The following CFAP299 variants were observed in gnomAD, a reference collection of about 807,000 sequenced individuals.
CFAP299 encodes the protein cilia and flagella associated protein 299, also known as cilia- and flagella-associated protein 299.
A neutral mutation model predicts 27.0 loss-of-function variants in CFAP299; 21 were observed. The observed-to-expected ratio is 0.78, with a 90% CI of 0.55 to 1.12. The LOEUF is 1.12. Among genes scored for constraint, CFAP299 ranks in the 50% most tolerant of loss-of-function variants. CFAP299 has a pLI of 0.00. For missense variants in CFAP299, 310 were observed against 276.6 expected (o/e 1.12, Z -0.86); for synonymous variants, 104 against 98.1 (o/e 1.06, Z -0.36).
chr4:80,386,952 C>A, intron 2 of CFAP299: 1 of 905,166 alleles, frequency 1.1e-6, no homozygotes, highest in Non-Finnish European at 1.9e-6. Flanking sequence ...ATGCACCCGC[C>A]GGGAGGACTT....
chr4:80,696,293 CAAAAA>C (rs10602062), intron 3 of CFAP299, among the ~76,000 whole-genome samples: 1 of 128,610 alleles, frequency 7.8e-6, no homozygotes, highest in African/African-American at 2.9e-5. Flanking sequence ...AGCTCCGTCT[CAAAAA>C]AAAAAAAAAA....
chr4:80,783,260 T>C (rs577405244), intron 3 of CFAP299, among the ~76,000 whole-genome samples: 1 of 152,262 alleles, frequency 6.6e-6, no homozygotes, highest in South Asian at 2.1e-4. Flanking sequence ...AGAAACACTA[T>C]GTCACTTACA....
chr4:80,658,370 G>A (rs1194423102), intron 3 of CFAP299, among the ~76,000 whole-genome samples: 1 of 152,112 alleles, frequency 6.6e-6, no homozygotes. Context: ...CTGTGGGTTT[G>A]CCATAAATAG....
rs542668841 is a variant in CFAP299, at chr4:80,414,292, G to C, written c.242+51408G>C. On this transcript the variant is annotated intron_variant, in intron 2 of 5. Transcript: ENST00000358105. ...TCACCGTTTTAGCCAGGATGGTCTC[G>C]ATCTCCTGACCTCGTGATCCGCCCG... Among the ~76,000 whole-genome samples the C allele has an allele frequency of 5.3e-5, 8 of 151,542 alleles. No individual in the cohort carries two copies. The East Asian group carries it at 9.8e-4, about 18-fold the overall frequency.
chr4:80,488,632 C>A (rs942490286), intron 2 of CFAP299, among the ~76,000 whole-genome samples: 1 of 152,104 alleles, frequency 6.6e-6, no homozygotes, highest in African/African-American at 2.4e-5. Flanking sequence ...AGCCACCACA[C>A]CTGGCTAATT....
At chr4:80,857,454 T>C (rs1482623817) in intron 3 of CFAP299, among the ~76,000 whole-genome samples, 1 of 151,874 alleles carries the variant, frequency 6.6e-6, no homozygotes, top group South Asian at 2.1e-4. Flanking sequence ...TGAATAGGAG[T>C]GGTGAGAGAG....
rs56300395 is a variant in CFAP299, at chr4:80,364,089, A to AACACACACAC, written c.242+1225_242+1234dup. 1.3e-3 allele frequency among the ~76,000 whole-genome samples: 148 copies of AACACACACAC among 110,866 alleles called. 4 individuals are homozygous for AACACACACAC. The highest frequency in any genetic ancestry group is 4.6e-3 in the Middle Eastern group (1 of 216). 72.7% of individuals were successfully genotyped at this position (110,866 alleles called of 152,430 possible). A position where few individuals can be genotyped will look rare whatever the true frequency, so the allele number is the denominator to read the frequency against. ...GCAACAGAGCGAGACTCCGTCTCAA[A>AACACACACAC]ACACACACACACACACACACACACA... On this transcript the variant is annotated intron_variant, in intron 2 of 5. Coordinates refer to ENST00000358105, the MANE Select transcript of CFAP299 (RefSeq NM_152770.3).
intron 5 of CFAP299, among the ~76,000 whole-genome samples, chr4:80,949,918 G>A (rs1377496661): frequency 6.6e-6 from 1 of 152,054 alleles, no homozygotes; most frequent in African/African-American, 2.4e-5. Flanking sequence ...CAGTACAGAC[G>A]AGGGAGGAAA....
At chr4:80,473,351 A>G (rs1456992375) in intron 2 of CFAP299, among the ~76,000 whole-genome samples, 1 of 152,064 alleles carries the variant, frequency 6.6e-6, no homozygotes, top group Non-Finnish European at 1.5e-5. Flanking sequence ...TAAGTAAAAT[A>G]AGTTCAAGGG....
chr4:80,889,727 A>T (rs1302986022), intron 4 of CFAP299, among the ~76,000 whole-genome samples: 8 of 152,156 alleles, frequency 5.3e-5, no homozygotes, highest in African/African-American at 1.9e-4. Context: ...AATTCTCAAC[A>T]AAATACTCGC....
intron 3 of CFAP299, among the ~76,000 whole-genome samples, chr4:80,730,272 G>GTGTA (rs1723437923): frequency 6.7e-6 from 1 of 148,804 alleles, no homozygotes; most frequent in Non-Finnish European, 1.5e-5. Flanking sequence ...GTGTGTGTGT[G>GTGTA]TGTGTGTATG....
intron 4 of CFAP299, among the ~76,000 whole-genome samples, chr4:80,922,436 C>G (rs1373472557): frequency 6.6e-6 from 1 of 151,994 alleles, no homozygotes; most frequent in African/African-American, 2.4e-5. Flanking sequence ...AAGTAAAACA[C>G]TAGCTTACAG....
At chr4:80,637,303 A>C (rs183053092) in intron 3 of CFAP299, among the ~76,000 whole-genome samples, 48 of 152,320 alleles carry the variant, frequency 3.2e-4, no homozygotes, top group African/African-American at 1.1e-3. Context: ...TAATAGATAT[A>C]ATATAATGTA....
intron 2 of CFAP299, among the ~76,000 whole-genome samples, chr4:80,573,470 G>T (rs1735694755): frequency 6.6e-6 from 1 of 152,002 alleles, no homozygotes; most frequent in Non-Finnish European, 1.5e-5. Context: ...GACTTGATGT[G>T]ATCCCATTTT....
chr4:80,638,503 G>C (rs1271928259), intron 3 of CFAP299, among the ~76,000 whole-genome samples: 4 of 152,116 alleles, frequency 2.6e-5, no homozygotes, highest in African/African-American at 9.7e-5. Context: ...AGGAACTAGA[G>C]ATCTCCGAAA....
At chr4:80,810,824 A>T (rs980278288) in intron 3 of CFAP299, among the ~76,000 whole-genome samples, 44 of 152,176 alleles carry the variant, frequency 2.9e-4, no homozygotes, top group African/African-American at 9.9e-4. Flanking sequence ...CATCTTATAA[A>T]ACTCAGTTCA....
chr4:80,503,624 G>T (rs1731847056), intron 2 of CFAP299, among the ~76,000 whole-genome samples: 1 of 152,062 alleles, frequency 6.6e-6, no homozygotes, highest in African/African-American at 2.4e-5. Context: ...TAGGGTTGTT[G>T]TAAGGGTCAA....
chr4:80,506,680 T>C (rs1265102376), intron 2 of CFAP299, among the ~76,000 whole-genome samples: 1 of 152,154 alleles, frequency 6.6e-6, no homozygotes, highest in Non-Finnish European at 1.5e-5. Flanking sequence ...CTATTTTTCC[T>C]TTATTATCCT....
chr4:80,346,844 A>C (rs1398010408), intron 1 of CFAP299, among the ~76,000 whole-genome samples: 7 of 152,148 alleles, frequency 4.6e-5, no homozygotes. Context: ...ATGACATTGA[A>C]TCTATAAATT....
Sources: allele counts gnomAD v4.1 joint callset (sites outside exome capture counted in the v4.1 genomes callset), GRCh38; gene constraint gnomAD v4.1.1; transcripts MANE v1.5; gene names NCBI Gene and HGNC (gene_info 2026-07-23, HGNC 2026-07-21).